Variants in PGAP6 observed in about 807,000 individuals in gnomAD.
PGAP6 encodes the protein post-GPI attachment to proteins factor 6.
A neutral mutation model predicts 68.4 loss-of-function variants in PGAP6; 62 were observed. The ratio of observed to expected loss-of-function variants is 0.91; its 90% CI spans 0.74 to 1.12. The LOEUF (loss-of-function observed/expected upper bound fraction) is 1.12. Ranked by LOEUF, PGAP6 falls within the 50% of genes most tolerant of loss-of-function variation. The pLI is 0.00. For synonymous variants in PGAP6, 575 were observed against 474.0 expected, an observed-to-expected ratio of 1.21 and a Z score of -2.77; for missense variants, 1,188 against 1,068.5, an observed-to-expected ratio of 1.11 and a Z score of -1.56.
intron 11 of PGAP6, among the ~76,000 whole-genome samples, chr16:373,455 C>T (rs1242721735): frequency 6.6e-6 from 1 of 152,220 alleles, no homozygotes; most frequent in Non-Finnish European, 1.5e-5. Flanking sequence ...TGCCTACCAC[C>T]TTCCTTCCTG....
chr16:375,403 G>A lies in PGAP6; in HGVS notation c.1257C>T (p.Ala419=). The A allele has an allele frequency of 6.2e-7, 1 of 1,612,884 alleles. No individual in the cohort carries two copies. Among genetic ancestry groups the A allele is most frequent in the Non-Finnish European group, 8.5e-7 (1 of 1,179,976 alleles). Residue 419 remains alanine (A), a synonymous_variant, in exon 7 of 13, where the codon GCC becomes GCT. Coordinates refer to ENST00000431232, the MANE Select transcript of PGAP6 (RefSeq NM_021259.3). ...GGAAGGGCGAGGCAGCATTCACGCAGGCCACTACGACGGTCTCGTTCCGCA... is the reference window on the plus strand; with the variant it reads ...GGAAGGGCGAGGCAGCATTCACGCAAGCCACTACGACGGTCTCGTTCCGCA... The part of the protein sequence containing the change: ...TEMRNETVVV[A]CVNAASPFLG...
chr16:381,613 G>A (rs2054438921), intron 1 of PGAP6, 88 bp downstream of exon 1: 2 of 1,046,332 alleles, frequency 1.9e-6, no homozygotes, highest in Non-Finnish European at 2.4e-6. Flanking sequence ...CGCCAGATGA[G>A]CGCACAGGTG....
chr16:372,860 G>A, intron 11 of PGAP6, 133 bp from the exon 12 acceptor site: 1 of 635,172 alleles, frequency 1.6e-6, no homozygotes, highest in Non-Finnish European at 2.7e-6. Context: ...GACCAGCTCT[G>A]CCAGCCTCTG....
chr16:379,745 C>T (rs1233993925), intron 1 of PGAP6, among the ~76,000 whole-genome samples: 1 of 152,250 alleles, frequency 6.6e-6, no homozygotes, highest in Non-Finnish European at 1.5e-5. Flanking sequence ...GTTGTCCTAA[C>T]ACCCAGTCCC....
At chr16:376,963 T>C in intron 4 of PGAP6, 74 bp downstream of exon 4, 1 of 1,589,092 alleles carries the variant, frequency 6.3e-7, no homozygotes, top group Non-Finnish European at 8.5e-7. Flanking sequence ...AGGGCCAGGC[T>C]CTCGCACCCA....
chr16:372,080 G>C lies in PGAP6; in HGVS notation c.2223C>G (p.Asp741Glu), dbSNP rs748455070. The change falls in exon 13 of 13, where the codon GAC becomes GAG. Residue 741 changes from aspartate to glutamate, a missense_variant. Coordinates refer to ENST00000431232, the MANE Select transcript of PGAP6 (RefSeq NM_021259.3). ...GSAALLLPPP[D>E]QPAEPWACSQ... ...AGCAGGCCCAGGGCTCGGCGGGCTG[G>C]TCAGGTGGCGGCAGCAGCAAGGCTG... is the stretch of plus-strand genomic sequence containing the variant. 6.2e-7 allele frequency: 1 copy of C among 1,612,606 alleles called. No individual in the cohort carries two copies. Among genetic ancestry groups the C allele is most frequent in the Non-Finnish European group, 8.5e-7 (1 of 1,179,964 alleles).
At chr16:379,477 G>A (rs575695984) in intron 1 of PGAP6, among the ~76,000 whole-genome samples, 1 of 152,370 alleles carries the variant, frequency 6.6e-6, no homozygotes, top group South Asian at 2.1e-4. Flanking sequence ...ACCAGGCTGT[G>A]GCCTGATAAT....
intron 1 of PGAP6, 143 bp downstream of exon 1, chr16:381,558 C>A: frequency 1.8e-6 from 1 of 556,146 alleles, no homozygotes; most frequent in South Asian, 8.7e-5. Context: ...CAAAGGGCCA[C>A]TGTGCACCCC....
upstream of PGAP6, chr16:386,822 G>T (rs770818843): frequency 1.5e-6 from 1 of 679,536 alleles, no homozygotes; most frequent in South Asian, 1.4e-5. Context: ...CCAAAGCGAA[G>T]GCTTTAAAGG....
At position 374,809 on chromosome 16, in the gene PGAP6, C is replaced by A. The variant is rs758646487; in HGVS notation, c.1523G>T (p.Cys508Phe). The change falls in exon 9 of 13, where the codon TGC becomes TTC. Residue 508 changes from cysteine to phenylalanine, a missense_variant. Cys to Phe is a radical substitution (Grantham distance 205). Coordinates refer to ENST00000431232, the MANE Select transcript of PGAP6 (RefSeq NM_021259.3). ...GTAGCTGTGTCTGCGGAGCAGGAGG[C>A]ACTGGCCATAGGGTCCACAATCGTT... ...CLNDCGPYGQCLLLRRHSYLY... is the reference protein window; with the variant it reads ...CLNDCGPYGQFLLLRRHSYLY... The A allele has an allele frequency of 6.2e-7, 1 of 1,612,890 alleles. No homozygotes were observed. Among genetic ancestry groups the A allele is most frequent in the South Asian group, 1.1e-5 (1 of 91,078 alleles).
intron 1 of PGAP6, among the ~76,000 whole-genome samples, chr16:378,302 C>A (rs372516326): frequency 0.1 from 8,846 of 85,006 alleles, 177 homozygotes; most frequent in Non-Finnish European, 0.14. Context: ...ACCCGCACTG[C>A]CATCGCCACC....
At position 376,248 on chromosome 16, in the gene PGAP6, A is replaced by G. The variant is rs754723255; in HGVS notation, c.1112T>C (p.Leu371Pro). 8.1e-6 allele frequency: 13 copies of G among 1,612,620 alleles called. No homozygotes were observed. Among genetic ancestry groups the G allele is most frequent in the South Asian group, 1.1e-5 (1 of 91,088 alleles). Residue 371 changes from leucine to proline, a missense_variant, in exon 6 of 13, where the codon CTG becomes CCG. By Grantham distance (98) the Leu-to-Pro change is moderately conservative (BLOSUM62 -3). Transcript: ENST00000431232. ...ACACACCCTCACCGAGACCCTGTCC[A>G]GGGGCTGGAAGTGCACCGACACCAC... is the stretch of plus-strand genomic sequence containing the variant. ...MDVVSVHFQP[L>P]DRVSVRVCSD...
chr16:385,562 C>T (rs58765128), upstream of PGAP6, among the ~76,000 whole-genome samples: 61,197 of 127,216 alleles, frequency 0.48, 17,377 homozygotes, highest in African/African-American at 0.77. Flanking sequence ...CCGCCCGCCT[C>T]GGCCTCCCAA....
upstream of PGAP6, among the ~76,000 whole-genome samples, chr16:386,242 C>CA (rs112419301): frequency 5.3e-3 from 744 of 140,248 alleles, 4 homozygotes; most frequent in African/African-American, 0.016. Context: ...TAAATAAAAG[C>CA]AAAAAAAAAA....
intron 6 of PGAP6, 21 bp downstream of exon 6, chr16:376,115 C>T: frequency 2.5e-6 from 4 of 1,579,978 alleles, no homozygotes; most frequent in Non-Finnish European, 3.4e-6. Flanking sequence ...AGGCCACAGG[C>T]CGCTTGCAGA....
rs1221811067 is a variant in PGAP6 at position 371,676 on chromosome 16, C to T, written c.*311G>A. 8 of 368,334 alleles carry T rather than the reference C, an allele frequency of 2.2e-5. No homozygotes were observed. The highest frequency in any genetic ancestry group is 4.1e-5 in the Non-Finnish European group (8 of 196,940). The allele number at this position is 368,334 out of a possible 1,614,324, so 22.8% of individuals were successfully genotyped here. On this transcript the variant is annotated 3_prime_UTR_variant, in exon 13 of 13. Transcript: ENST00000431232. ...CTCCCCATCTCTAGCCACCCACAGG[C>T]CAGCAGAGCACACAGCCCCACCCTC... is the stretch of plus-strand genomic sequence containing the variant.
At chr16:379,011 G>T (rs966582630) in intron 1 of PGAP6, among the ~76,000 whole-genome samples, 2 of 152,190 alleles carry the variant, frequency 1.3e-5, no homozygotes, top group Non-Finnish European at 2.9e-5. Context: ...TGCGACCTTG[G>T]GCATCCTTCC....
chr16:374,120 G>A lies in PGAP6; in HGVS notation c.1787C>T (p.Ala596Val), dbSNP rs577727450. The change falls in exon 11 of 13, where the codon GCG becomes GTG. Residue 596 changes from alanine to valine, a missense_variant. Physicochemically the swap from Ala to Val is moderately conservative, Grantham distance 64. Coordinates refer to ENST00000431232, the MANE Select transcript of PGAP6 (RefSeq NM_021259.3). ...FYHACDQPGE[A>V]VLCILSYDTL... ...GTCGTAGCTGAGGATGCACAGCACC[G>A]CCTCCCCGGGCTGGTCGCAGGCGTG... is the stretch of plus-strand genomic sequence containing the variant. 9 of 1,611,190 alleles carry A rather than the reference G, an allele frequency of 5.6e-6. No homozygotes were observed. Among genetic ancestry groups the A allele is most frequent in the African/African-American group, 2.7e-5 (2 of 75,056 alleles).
At chr16:385,717 C>T (rs1441525544), upstream of PGAP6, among the ~76,000 whole-genome samples, 2 of 148,870 alleles carry the variant, frequency 1.3e-5, no homozygotes, top group Non-Finnish European at 3.0e-5. Flanking sequence ...CTCCGCCTCC[C>T]AGGTTCACGC....
Sources: gnomAD v4.1 joint callset for allele counts (sites outside exome capture counted in the v4.1 genomes callset) on GRCh38, gnomAD v4.1.1 for gene constraint, MANE v1.5 for transcripts, NCBI Gene and HGNC (gene_info 2026-07-23, HGNC 2026-07-21) for gene names.